PCDHA10: variants seen among roughly 807,000 people sequenced by gnomAD.
The protein encoded by PCDHA10 is protocadherin alpha-10.
In PCDHA10, 45 loss-of-function variants were observed where a neutral mutation model predicts 61.2. The ratio of observed to expected loss-of-function variants is 0.74; its 90% CI spans 0.58 to 0.94. The LOEUF is 0.94. Among genes scored for constraint, PCDHA10 ranks in the 40% least tolerant of loss-of-function variants. PCDHA10 has a pLI of 0.00. For missense variants in PCDHA10, 1,278 were observed against 1,236.2 expected (o/e 1.03, Z -0.51); for synonymous variants, 602 against 548.8 (o/e 1.10, Z -1.35).
chr5:140,876,803 A>G lies in PCDHA10; in HGVS notation c.2388+18367A>G, dbSNP rs201565376. The G allele has an allele frequency of 1.6e-4, 261 of 1,614,140 alleles. 4 individuals are homozygous for G. In the East Asian group the frequency reaches 3.7e-3, roughly 23 times the overall value. On this transcript the variant is annotated intron_variant, in intron 1 of 3. Coordinates refer to ENST00000307360, the MANE Select transcript of PCDHA10 (RefSeq NM_018901.4). ...TGGGCCACGGCTAGAGTGTCCGTGG[A>G]GGTGGCCGACGTGAACGACAATGCG...
chr5:141,006,233 A>G (rs1311441986), intron 3 of PCDHA10, among the ~76,000 whole-genome samples: 2 of 151,044 alleles, frequency 1.3e-5, no homozygotes, highest in African/African-American at 4.9e-5. Flanking sequence ...TTATTTTTAG[A>G]TGGAGTCTTG....
At chr5:140,923,287 A>G (rs1554201330) in intron 1 of PCDHA10, among the ~76,000 whole-genome samples, 1 of 152,224 alleles carries the variant, frequency 6.6e-6, no homozygotes, top group Non-Finnish European at 1.5e-5. Context: ...AAAAATTAAA[A>G]ATTAGCTGGG....
chr5:140,928,296 T>C (rs2085128137), intron 1 of PCDHA10: 6 of 1,614,054 alleles, frequency 3.7e-6, no homozygotes, highest in African/African-American at 1.3e-5. Flanking sequence ...GCCGAGTGTT[T>C]GCCCAGGACC....
intron 1 of PCDHA10, among the ~76,000 whole-genome samples, chr5:140,960,717 T>G (rs367185): frequency 9.9e-5 from 3 of 30,264 alleles, no homozygotes; most frequent in African/African-American, 2.5e-4. Flanking sequence ...ATACTCATCT[T>G]ATTTTAGTCC....
chr5:140,884,534 C>T (rs781847666), intron 1 of PCDHA10: 3 of 1,614,180 alleles, frequency 1.9e-6, no homozygotes, highest in Admixed American at 3.3e-5. Context: ...GCAGAGGCGG[C>T]CGAGGGTGTG....
intron 1 of PCDHA10, among the ~76,000 whole-genome samples, chr5:140,895,640 T>G (rs1554186577): frequency 6.6e-6 from 1 of 152,220 alleles, no homozygotes; most frequent in Non-Finnish European, 1.5e-5. Flanking sequence ...ACATTCTTTT[T>G]TAGCTCCCAC....
intron 2 of PCDHA10, among the ~76,000 whole-genome samples, chr5:140,980,549 G>A (rs1382828581): frequency 1.3e-5 from 2 of 152,162 alleles, no homozygotes; most frequent in Non-Finnish European, 2.9e-5. Context: ...AGAATCGCTT[G>A]AACCCGGGAG....
chr5:141,000,395 C>CTCTCTA (rs1213762225), intron 3 of PCDHA10, among the ~76,000 whole-genome samples: 5 of 53,980 alleles, frequency 9.3e-5, no homozygotes, highest in East Asian at 6.1e-4. Flanking sequence ...CTCTCTCTCT[C>CTCTCTA]TATATATATA....
chr5:140,887,140 A>T (rs1414836088), intron 1 of PCDHA10, among the ~76,000 whole-genome samples: 3 of 150,560 alleles, frequency 2.0e-5, no homozygotes, highest in Non-Finnish European at 4.4e-5. Context: ...TCTGTCGCCC[A>T]GGCTGGAGTA....
chr5:140,926,538 G>A (rs155362), intron 1 of PCDHA10: 1 of 210,368 alleles, frequency 4.8e-6, no homozygotes, highest in Admixed American at 5.9e-5. Flanking sequence ...CAGCCAGCGT[G>A]GTGGTCGAGA....
At chr5:140,893,083 T>C (rs2063812039) in intron 1 of PCDHA10, among the ~76,000 whole-genome samples, 1 of 152,266 alleles carries the variant, frequency 6.6e-6, no homozygotes, top group Non-Finnish European at 1.5e-5. Flanking sequence ...GATTTCATTC[T>C]TTTTTATGGC....
At chr5:140,876,308 A>T in intron 1 of PCDHA10, 1 of 1,614,070 alleles carries the variant, frequency 6.2e-7, no homozygotes, top group South Asian at 1.1e-5. Context: ...GAAATTTCCT[A>T]TGGGATCAAA....
Position 140,996,899 on chromosome 5 carries a change from C to T in PCDHA10, c.2537-12728C>T, listed in dbSNP as rs529654978. Among the ~76,000 whole-genome samples, 7 of 152,226 alleles carry T rather than the reference C, an allele frequency of 4.6e-5. No individual in the cohort carries two copies. The South Asian group carries it at 1.4e-3, about 32-fold the overall frequency. ...TGTATTTTTAAATAAAATAGAATTA[C>T]ATTGTTGAAGTAAATATTAAAAAAT... is the stretch of plus-strand genomic sequence containing the variant. On this transcript the variant is annotated intron_variant, in intron 3 of 3. Transcript: ENST00000307360.
At chr5:140,913,160 G>T (rs1437493261) in intron 1 of PCDHA10, among the ~76,000 whole-genome samples, 4 of 152,156 alleles carry the variant, frequency 2.6e-5, no homozygotes, top group African/African-American at 9.7e-5. Flanking sequence ...AGTAGGATTG[G>T]TATTAGTTCT....
intron 1 of PCDHA10, among the ~76,000 whole-genome samples, chr5:140,871,786 T>G (rs2053308227): frequency 6.6e-6 from 1 of 152,224 alleles, no homozygotes; most frequent in African/African-American, 2.4e-5. Flanking sequence ...GTCACTTGAG[T>G]AGAAATAATT....
At chr5:140,958,498 G>A (rs2095427243) in intron 1 of PCDHA10, among the ~76,000 whole-genome samples, 1 of 152,020 alleles carries the variant, frequency 6.6e-6, no homozygotes, top group African/African-American at 2.4e-5. Context: ...ACATATCCTA[G>A]GAGGCATGGC....
chr5:140,969,040 A>G (rs1554231380), intron 1 of PCDHA10: 1 of 1,614,150 alleles, frequency 6.2e-7, no homozygotes. Context: ...AACTGTACAA[A>G]CAAGCCAACA....
chr5:140,966,918 A>T, intron 1 of PCDHA10: 1 of 1,602,744 alleles, frequency 6.2e-7, no homozygotes. Flanking sequence ...GTGCCAGAGG[A>T]GCAGGCACCC....
chr5:140,858,128 G>A lies in PCDHA10; in HGVS notation c.2080G>A (p.Val694Ile), dbSNP rs782090771. 6.9e-6 allele frequency: 11 copies of A among 1,597,872 alleles called. No individual in the cohort carries two copies. The highest frequency in any genetic ancestry group is 9.4e-6 in the Non-Finnish European group (11 of 1,167,614). The change falls in exon 1 of 4, where the codon GTC becomes ATC. Residue 694 changes from valine to isoleucine, a missense_variant. By Grantham distance (29) the Val-to-Ile change is conservative. Transcript: ENST00000307360. Reference sequence around the variant, plus strand: ...GGCGCCCGAGGTGGCCCTGGTGGATGTCAACGTGTACCTGATCATCGCCAT... The same window carrying A: ...GGCGCCCGAGGTGGCCCTGGTGGATATCAACGTGTACCTGATCATCGCCAT... ...GVAPEVALVD[V>I]NVYLIIAICA... is the part of the protein sequence containing the mutation.
Sources: allele counts gnomAD v4.1 joint callset (sites outside exome capture counted in the v4.1 genomes callset), GRCh38; gene constraint gnomAD v4.1.1; transcripts MANE v1.5; gene names NCBI Gene and HGNC (gene_info 2026-07-23, HGNC 2026-07-21).